The following F13A1 variants were observed in gnomAD, a reference collection of about 807,000 sequenced individuals.
The protein encoded by F13A1 is FSF, A subunit.
F13A1 carries 47 observed loss-of-function variants against 80.1 expected under a neutral mutation model. The observed-to-expected ratio is 0.59, with a 90% CI of 0.46 to 0.75. The LOEUF (loss-of-function observed/expected upper bound fraction) is 0.75, where lower values mean the gene tolerates loss of function less well. F13A1 is among the 30% of genes least tolerant of loss of function. The probability of loss-of-function intolerance (pLI) is 0.00; values close to 1 mark genes in which losing one functional copy is unlikely to be tolerated. For missense variants in F13A1, 817 were observed against 930.4 expected, an observed-to-expected ratio of 0.88 and a Z score of 1.59; for synonymous variants, 349 against 344.9, an observed-to-expected ratio of 1.01 and a Z score of -0.13.
chr6:6,260,025 CATG>C (rs1757757175), intron 4 of F13A1, among the ~76,000 whole-genome samples: 1 of 152,166 alleles, frequency 6.6e-6, no homozygotes, highest in African/African-American at 2.4e-5. Context: ...GTTAGAAAAA[CATG>C]ATGAATTCAT....
chr6:6,201,293 G>A (rs1761389953), intron 8 of F13A1, among the ~76,000 whole-genome samples: 1 of 152,180 alleles, frequency 6.6e-6, no homozygotes, highest in Non-Finnish European at 1.5e-5. Flanking sequence ...CATCTAATTA[G>A]TTACACATGA....
intron 8 of F13A1, among the ~76,000 whole-genome samples, chr6:6,207,717 T>C (rs549371930): frequency 6.6e-6 from 1 of 152,322 alleles, no homozygotes; most frequent in South Asian, 2.1e-4. Flanking sequence ...CACACAACGC[T>C]ACTTGGCTAA....
chr6:6,152,587 A>G (rs1399293494), intron 13 of F13A1, among the ~76,000 whole-genome samples: 1 of 152,218 alleles, frequency 6.6e-6, no homozygotes, highest in Admixed American at 6.5e-5. Context: ...ACACCACAGG[A>G]GACAGCCAGA....
At chr6:6,205,580 T>C (rs1434075029) in intron 8 of F13A1, among the ~76,000 whole-genome samples, 7 of 152,212 alleles carry the variant, frequency 4.6e-5, no homozygotes, top group Non-Finnish European at 7.3e-5. Flanking sequence ...CAAGAACAGA[T>C]TTCTTGGATA....
At chr6:6,191,418 A>G (rs1025535041) in intron 10 of F13A1, among the ~76,000 whole-genome samples, 9 of 152,192 alleles carry the variant, frequency 5.9e-5, no homozygotes, top group African/African-American at 2.2e-4. Flanking sequence ...TCATCACACA[A>G]AATCTGGGCA....
chr6:6,237,491 A>C (rs1342801277), intron 6 of F13A1, among the ~76,000 whole-genome samples: 2 of 152,146 alleles, frequency 1.3e-5, no homozygotes, highest in East Asian at 3.9e-4. Flanking sequence ...GGTTTGCTTA[A>C]TAACAAGCTG....
At chr6:6,158,961 G>A (rs902777167) in intron 13 of F13A1, among the ~76,000 whole-genome samples, 2 of 150,356 alleles carry the variant, frequency 1.3e-5, no homozygotes, top group African/African-American at 2.5e-5. Context: ...GAGTGCAGTG[G>A]TGTGATCTCA....
chr6:6,174,111 C>T (rs937772436), intron 12 of F13A1, among the ~76,000 whole-genome samples: 12 of 151,752 alleles, frequency 7.9e-5, no homozygotes, highest in African/African-American at 2.2e-4. Flanking sequence ...GCTTTTGGGC[C>T]GAGTGCGGTG....
chr6:6,300,820 G>GT (rs534147712), intron 3 of F13A1, among the ~76,000 whole-genome samples: 42,547 of 146,714 alleles, frequency 0.29, 9,386 homozygotes, highest in African/African-American at 0.61. Context: ...ATTCTCGTCT[G>GT]TTTTTTTTTT....
At chr6:6,246,540 TTC>T (rs1199356879) in intron 6 of F13A1, among the ~76,000 whole-genome samples, 1 of 152,270 alleles carries the variant, frequency 6.6e-6, no homozygotes, top group Non-Finnish European at 1.5e-5. Context: ...CAAATGGATT[TTC>T]TCTGTCTAGT....
At chr6:6,206,614 G>T (rs367638960) in intron 8 of F13A1, 1 of 506,038 alleles carries the variant, frequency 2.0e-6, no homozygotes, top group Non-Finnish European at 4.1e-6. Context: ...TGAGAGGAAC[G>T]GGAGGAGAGT....
intron 3 of F13A1, among the ~76,000 whole-genome samples, chr6:6,271,493 A>G (rs188429790): frequency 6.6e-6 from 1 of 152,310 alleles, no homozygotes; most frequent in African/African-American, 2.4e-5. Flanking sequence ...TGCCTAGAGT[A>G]TATAATGCCT....
rs1760856114 is a variant in F13A1 at position 6,174,970 on chromosome 6, T to A, written c.1460-103A>T. ...TACTGCACTTGTTGGGGTGTTTCTATAATACAAGCTTCAGACCTCCCCAGG... is the reference window on the plus strand; with the variant it reads ...TACTGCACTTGTTGGGGTGTTTCTAAAATACAAGCTTCAGACCTCCCCAGG... On this transcript the variant is annotated intron_variant, in intron 11 of 14. Coordinates refer to ENST00000264870, the MANE Select transcript of F13A1 (RefSeq NM_000129.4). 3.6e-6 allele frequency: 5 copies of A among 1,397,352 alleles called. No homozygotes were observed. The Admixed American group carries it at 5.5e-5, about 15-fold the overall frequency. The allele number at this position is 1,397,352 out of a possible 1,614,324, so 86.6% of individuals were successfully genotyped here.
intron 10 of F13A1, among the ~76,000 whole-genome samples, chr6:6,191,399 G>C (rs1761196232): frequency 6.6e-6 from 1 of 152,152 alleles, no homozygotes; most frequent in Admixed American, 6.5e-5. Context: ...CCCTACACTT[G>C]AAGGGTTATC....
intron 1 of F13A1, among the ~76,000 whole-genome samples, chr6:6,319,903 A>G (rs540359367): frequency 2.4e-4 from 37 of 152,328 alleles, no homozygotes; most frequent in African/African-American, 8.4e-4. Flanking sequence ...GAGAAGAGCG[A>G]AAAAGGGTTA....
chr6:6,251,413 G>A (rs1210830479), intron 4 of F13A1, among the ~76,000 whole-genome samples: 1 of 152,152 alleles, frequency 6.6e-6, no homozygotes, highest in Admixed American at 6.5e-5. Flanking sequence ...ATCACTGGCA[G>A]GAGGGAAGCA....
At chr6:6,174,936 T>C in intron 11 of F13A1, 69 bp from the exon 12 acceptor site, 1 of 1,578,228 alleles carries the variant, frequency 6.3e-7, no homozygotes, top group Non-Finnish European at 8.7e-7. Context: ...CATTAATGGA[T>C]GCACCGTGTA....
At chr6:6,145,843 C>G in intron 14 of F13A1, 71 bp from the exon 15 acceptor site, 1 of 1,604,686 alleles carries the variant, frequency 6.2e-7, no homozygotes, top group Non-Finnish European at 8.5e-7. Flanking sequence ...GCAATGAAAA[C>G]TCTTGCCTAA....
intron 6 of F13A1, among the ~76,000 whole-genome samples, chr6:6,238,715 C>CATATATAT (rs4053228): frequency 0.029 from 4,243 of 145,940 alleles, 111 homozygotes; most frequent in Admixed American, 0.058. Flanking sequence ...AAACATGCTG[C>CATATATAT]ATATATATAT....
Sources: gnomAD v4.1 joint callset for allele counts (sites outside exome capture counted in the v4.1 genomes callset) on GRCh38, gnomAD v4.1.1 for gene constraint, MANE v1.5 for transcripts, NCBI Gene and HGNC (gene_info 2026-07-23, HGNC 2026-07-21) for gene names.